ESCO1: variants seen among roughly 807,000 people sequenced by gnomAD.
ESCO1 encodes N-acetyltransferase ESCO1.
ESCO1 carries 33 observed loss-of-function variants against 83.5 expected under a neutral mutation model. The ratio of observed to expected loss-of-function variants is 0.40; its 90% CI spans 0.30 to 0.53. The LOEUF (loss-of-function observed/expected upper bound fraction) is 0.53. Ranked by LOEUF, ESCO1 falls within the 20% of genes least tolerant of loss-of-function variation. ESCO1 has a pLI of 0.63. For missense variants in ESCO1, 855 were observed against 968.0 expected, an observed-to-expected ratio of 0.88 and a Z score of 1.55; for synonymous variants, 332 against 324.3, an observed-to-expected ratio of 1.02 and a Z score of -0.25.
intron 8 of ESCO1, among the ~76,000 whole-genome samples, chr18:21,540,306 C>T (rs1372211857): frequency 2.0e-5 from 3 of 152,128 alleles, no homozygotes; most frequent in Non-Finnish European, 4.4e-5. Flanking sequence ...GAAAGCCACA[C>T]ACCAAAAGCA....
At chr18:21,599,372 C>A (rs2146244636) in intron 1 of ESCO1, among the ~76,000 whole-genome samples, 1 of 152,274 alleles carries the variant, frequency 6.6e-6, no homozygotes, top group East Asian at 1.9e-4. Context: ...AAACTTTATT[C>A]GTGTTGGTGT....
At chr18:21,565,025 G>T (rs970851154) in intron 6 of ESCO1, among the ~76,000 whole-genome samples, 1 of 152,002 alleles carries the variant, frequency 6.6e-6, no homozygotes, top group African/African-American at 2.4e-5. Flanking sequence ...GCGGTGAGCC[G>T]AAATCACGCC....
chr18:21,548,400 C>A (rs1218133478), intron 8 of ESCO1, among the ~76,000 whole-genome samples: 2 of 151,972 alleles, frequency 1.3e-5, no homozygotes, highest in African/African-American at 4.8e-5. Flanking sequence ...CAGGCTGAGG[C>A]AAGAGGATCG....
intron 4 of ESCO1, among the ~76,000 whole-genome samples, chr18:21,572,176 C>T (rs1437200282): frequency 1.3e-5 from 2 of 152,102 alleles, no homozygotes; most frequent in East Asian, 3.8e-4. Flanking sequence ...ATTAGAACAC[C>T]TGGATTCTAA....
rs199992492 is a variant in ESCO1 at position 21,538,054 on chromosome 18, T to C, written c.2043+1866A>G. On this transcript the variant is annotated intron_variant, in intron 9 of 11. Coordinates refer to ENST00000269214, the MANE Select transcript of ESCO1 (RefSeq NM_052911.3). ...AGGTATGTCATGAATGCATAGAATA[T>C]ATGTAGATACTAGTTTAAGTATGGG... Among the ~76,000 whole-genome samples the C allele has an allele frequency of 7.9e-5, 12 of 151,688 alleles. No homozygotes were observed. The East Asian group carries it at 1.9e-3, about 25-fold the overall frequency.
chr18:21,591,290 T>C (rs1332865734), intron 1 of ESCO1, among the ~76,000 whole-genome samples: 1 of 152,166 alleles, frequency 6.6e-6, no homozygotes, highest in Admixed American at 6.6e-5. Context: ...AATGTGGTCA[T>C]AGGCCCAGGA....
chr18:21,591,747 G>C (rs1472923244), intron 1 of ESCO1, among the ~76,000 whole-genome samples: 1 of 151,544 alleles, frequency 6.6e-6, no homozygotes, highest in East Asian at 1.9e-4. Context: ...TAGGACAATA[G>C]TGGAGGGAAG....
At chr18:21,531,535 T>A (rs2037766587) in intron 11 of ESCO1, among the ~76,000 whole-genome samples, 1 of 150,404 alleles carries the variant, frequency 6.6e-6, no homozygotes, top group African/African-American at 2.4e-5. Context: ...ATTAAAGACC[T>A]AGGGCCAGAC....
rs2038404012 is a variant in ESCO1, at chr18:21,575,248, A to AT, written c.-406dup. ...TTTATCAGTGACCTGTTTTGATAAA[A>AT]TTTTTGAAAACTTTTTTCTTCTGAA... is the stretch of plus-strand genomic sequence containing the variant. On this transcript the variant is annotated 5_prime_UTR_variant, in exon 4 of 12. The change abolishes the stop of an existing upstream ORF in the 5' untranslated region. Transcript: ENST00000269214. 2 of 388,050 alleles carry AT rather than the reference A, an allele frequency of 5.2e-6. No individual in the cohort carries two copies. Among genetic ancestry groups the AT allele is most frequent in the Non-Finnish European group, 9.1e-6 (2 of 219,800 alleles). 24.0% of individuals were successfully genotyped at this position (388,050 alleles called of 1,614,324 possible).
chr18:21,544,359 C>A (rs554102355), intron 8 of ESCO1, among the ~76,000 whole-genome samples: 5 of 151,716 alleles, frequency 3.3e-5, no homozygotes, highest in Non-Finnish European at 7.4e-5. Context: ...GTAATCCCAG[C>A]ACTTTTGGGG....
intron 8 of ESCO1, among the ~76,000 whole-genome samples, chr18:21,560,387 T>C (rs897600484): frequency 5.3e-5 from 8 of 151,852 alleles, no homozygotes; most frequent in Non-Finnish European, 1.5e-5. Flanking sequence ...AATTTTTCTT[T>C]TTTAATCTTA....
Position 21,561,298 on chromosome 18 carries a change from T to C in ESCO1, c.1822-308A>G, listed in dbSNP as rs113828485. Among the ~76,000 whole-genome samples the C allele has an allele frequency of 1.4e-4, 22 of 152,340 alleles. 1 individual carries two copies. The highest frequency in any genetic ancestry group is 4.8e-4 in the African/African-American group (20 of 41,586). ...AATACTCTATGAATGAGAACTAATA[T>C]ATATTTCGTATTTGCAATAATTATA... On this transcript the variant is annotated intron_variant, in intron 7 of 11. Coordinates refer to ENST00000269214, the MANE Select transcript of ESCO1 (RefSeq NM_052911.3).
rs559483099 is a variant in ESCO1 at position 21,568,305 on chromosome 18, G to C, written c.1531-211C>G. Among the ~76,000 whole-genome samples the C allele has an allele frequency of 3.3e-5, 5 of 152,100 alleles. No homozygotes were observed. In the South Asian group the frequency reaches 8.3e-4, roughly 25 times the overall value. On this transcript the variant is annotated intron_variant, in intron 4 of 11. Coordinates refer to ENST00000269214, the MANE Select transcript of ESCO1 (RefSeq NM_052911.3). ...TCATGCTAAATTTAAAAACAAGCAG[G>C]GTACAGCAGTGCATGCCTGTTGTCT...
rs34829152 is a variant in ESCO1 at position 21,599,042 on chromosome 18, C to CA, written c.-825+1580dup. ...TCCATTGATTAGATTTTTTGCTTTTCAAAAAAAAAAAAAAATTCACCAGGC... is the reference window on the plus strand; with the variant it reads ...TCCATTGATTAGATTTTTTGCTTTTCAAAAAAAAAAAAAAAATTCACCAGGC... On this transcript the variant is annotated intron_variant, in intron 1 of 11. Coordinates refer to ENST00000269214, the MANE Select transcript of ESCO1 (RefSeq NM_052911.3). Among the ~76,000 whole-genome samples the CA allele has an allele frequency of 6.8e-3, 872 of 127,816 alleles. 4 individuals are homozygous for CA. The highest frequency in any genetic ancestry group is 0.018 in the African/African-American group (627 of 34,606). The allele number at this position is 127,816 out of a possible 152,430, so 83.9% of individuals were successfully genotyped here. A position where few individuals can be genotyped will look rare whatever the true frequency, so the allele number is the denominator to read the frequency against.
intron 2 of ESCO1, among the ~76,000 whole-genome samples, chr18:21,580,081 T>C (rs1249334717): frequency 6.6e-6 from 1 of 151,536 alleles, no homozygotes; most frequent in Non-Finnish European, 1.5e-5. Flanking sequence ...GTATTTTTAG[T>C]AGAGACGGGT....
chr18:21,539,125 TA>T (rs2037872954), intron 9 of ESCO1, among the ~76,000 whole-genome samples: 1 of 152,100 alleles, frequency 6.6e-6, no homozygotes, highest in South Asian at 2.1e-4. Context: ...AATATATCCT[TA>T]TATCTTAAAA....
chr18:21,556,917 T>C (rs572687657), intron 8 of ESCO1, among the ~76,000 whole-genome samples: 1 of 152,332 alleles, frequency 6.6e-6, no homozygotes, highest in African/African-American at 2.4e-5. Context: ...GTCAGGTTAG[T>C]CTTGATCTCC....
chr18:21,598,903 G>C (rs1053277855), intron 1 of ESCO1, among the ~76,000 whole-genome samples: 20 of 152,150 alleles, frequency 1.3e-4, no homozygotes, highest in Admixed American at 1.3e-3. Context: ...AAGGGAAAAA[G>C]TGGCTCTATT....
At position 21,579,809 on chromosome 18, in the gene ESCO1, C is replaced by T. The variant is rs1041295621; in HGVS notation, c.-693-4032G>A. Among the ~76,000 whole-genome samples, 6 of 108,380 alleles carry T rather than the reference C, an allele frequency of 5.5e-5. No individual in the cohort carries two copies. The East Asian group carries it at 8.2e-4, about 15-fold the overall frequency. 71.1% of individuals were successfully genotyped at this position (108,380 alleles called of 152,430 possible). A position where few individuals can be genotyped will look rare whatever the true frequency, so the allele number is the denominator to read the frequency against. ...ACGCGCGCGCGCACACACACACACA[C>T]ACACACACACACACACACACACACA... On this transcript the variant is annotated intron_variant, in intron 2 of 11. Coordinates refer to ENST00000269214, the MANE Select transcript of ESCO1 (RefSeq NM_052911.3).
Sources: allele counts gnomAD v4.1 joint callset (sites outside exome capture counted in the v4.1 genomes callset), GRCh38; gene constraint gnomAD v4.1.1; transcripts MANE v1.5; gene names NCBI Gene and HGNC (gene_info 2026-07-23, HGNC 2026-07-21).